The following MEI4 variants were observed in gnomAD, a reference collection of about 807,000 sequenced individuals.
The protein encoded by MEI4 is meiosis-specific protein MEI4.
A neutral mutation model predicts 31.4 loss-of-function variants in MEI4; 27 were observed. The ratio of observed to expected loss-of-function variants is 0.86; its 90% CI spans 0.63 to 1.19. The LOEUF (loss-of-function observed/expected upper bound fraction) is 1.19, where lower values mean the gene tolerates loss of function less well. Ranked by LOEUF, MEI4 falls within the 50% of genes most tolerant of loss-of-function variation. The pLI, the probability that MEI4 is intolerant of heterozygous loss-of-function variation, is 0.00. For missense variants in MEI4, 329 were observed against 398.9 expected (o/e 0.82, Z 1.49); for synonymous variants, 122 against 145.4 (o/e 0.84, Z 1.16).
intron 3 of MEI4, among the ~76,000 whole-genome samples, chr6:77,766,225 G>C (rs562599429): frequency 1.3e-5 from 2 of 152,168 alleles, no homozygotes; most frequent in Non-Finnish European, 2.9e-5. Flanking sequence ...GAATGTTGTG[G>C]TTTTAATTAC....
At chr6:77,691,658 G>A (rs1769159604) in intron 2 of MEI4, among the ~76,000 whole-genome samples, 1 of 152,028 alleles carries the variant, frequency 6.6e-6, no homozygotes, top group South Asian at 2.1e-4. Context: ...GATTCAGAAG[G>A]GTCTTGAATG....
intron 4 of MEI4, among the ~76,000 whole-genome samples, chr6:77,860,301 A>T (rs1770836586): frequency 6.6e-6 from 1 of 152,164 alleles, no homozygotes; most frequent in Non-Finnish European, 1.5e-5. Flanking sequence ...GGGAGTTGAT[A>T]GCAGCTGCTA....
rs556007269 is a variant in MEI4, at chr6:77,772,435, T to TA, written c.768+10771dup. On this transcript the variant is annotated intron_variant, in intron 3 of 4. Transcript: ENST00000684080. ...AGCATACACAAATCAATCAATGTGA[T>TA]ACATCATATTATCAGAATGAATGAC... is the stretch of plus-strand genomic sequence containing the variant. 3.9e-5 allele frequency among the ~76,000 whole-genome samples: 6 copies of TA among 152,042 alleles called. No individual in the cohort carries two copies. In the South Asian group the frequency reaches 1.0e-3, roughly 26 times the overall value.
chr6:77,859,780 A>G (rs1770826274), intron 4 of MEI4, among the ~76,000 whole-genome samples: 1 of 152,196 alleles, frequency 6.6e-6, no homozygotes, highest in Admixed American at 6.5e-5. Context: ...GTACTCACAA[A>G]TGCATTTGAA....
chr6:77,787,102 A>T (rs535293995), intron 3 of MEI4, among the ~76,000 whole-genome samples: 1 of 152,216 alleles, frequency 6.6e-6, no homozygotes, highest in Non-Finnish European at 1.5e-5. Flanking sequence ...ACTTGGAGGT[A>T]GACACATTGT....
intron 2 of MEI4, among the ~76,000 whole-genome samples, chr6:77,711,297 T>C (rs551923041): frequency 1.3e-5 from 2 of 152,328 alleles, no homozygotes; most frequent in Admixed American, 1.3e-4. Flanking sequence ...ATTAGCTTGA[T>C]TTAATTCTTT....
chr6:77,881,997 G>T (rs1226450650), intron 4 of MEI4, among the ~76,000 whole-genome samples: 1 of 152,148 alleles, frequency 6.6e-6, no homozygotes, highest in African/African-American at 2.4e-5. Flanking sequence ...GTGAGATTGC[G>T]CTCACTTCAG....
chr6:77,895,943 T>C lies in MEI4; in HGVS notation c.901-27146T>C, dbSNP rs1766075369. 2.0e-5 allele frequency among the ~76,000 whole-genome samples: 3 copies of C among 152,194 alleles called. No homozygotes were observed. The South Asian group carries it at 6.2e-4, about 31-fold the overall frequency. ...AACAGATTGTCTGATCAGTATTGTT[T>C]TGTTAAGAACTGCTGTGATGATGGA... On this transcript the variant is annotated intron_variant, in intron 4 of 4. Transcript: ENST00000684080.
chr6:77,662,538 A>C (rs1768532370), intron 1 of MEI4, among the ~76,000 whole-genome samples: 1 of 152,174 alleles, frequency 6.6e-6, no homozygotes, highest in Non-Finnish European at 1.5e-5. Flanking sequence ...CGGTGTGAGG[A>C]AGAAAATAAA....
At chr6:77,771,706 G>C (rs1384390679) in intron 3 of MEI4, among the ~76,000 whole-genome samples, 1 of 152,050 alleles carries the variant, frequency 6.6e-6, no homozygotes, top group East Asian at 1.9e-4. Context: ...AATATTACAT[G>C]TTCTCACTTA....
chr6:77,905,211 G>GT (rs959750970), intron 4 of MEI4, among the ~76,000 whole-genome samples: 13 of 151,774 alleles, frequency 8.6e-5, no homozygotes, highest in African/African-American at 2.2e-4. Flanking sequence ...GGGATTGTTT[G>GT]TTTTTTCTGG....
At chr6:77,768,211 T>C (rs1768222004) in intron 3 of MEI4, among the ~76,000 whole-genome samples, 1 of 152,212 alleles carries the variant, frequency 6.6e-6, no homozygotes, top group South Asian at 2.1e-4. Context: ...TATTATGTCC[T>C]ATTTCCATCA....
chr6:77,835,418 A>T, intron 4 of MEI4, among the ~76,000 whole-genome samples: 1 of 150,992 alleles, frequency 6.6e-6, no homozygotes, highest in Non-Finnish European at 1.5e-5. Context: ...AAAAAAAAAA[A>T]AAGAAGAGAA....
In MEI4 at chr6:77,742,610, C is replaced by T. The variant is rs534156503; in HGVS notation, c.233-18520C>T. Among the ~76,000 whole-genome samples the T allele has an allele frequency of 2.7e-3, 413 of 152,200 alleles. 7 individuals carry two copies. The highest frequency in any genetic ancestry group is 4.7e-3 in the African/African-American group (196 of 41,536). On this transcript the variant is annotated intron_variant, in intron 2 of 4. Transcript: ENST00000684080. ...GACGTAGTTTCTTTTGCTGTGCAGA[C>T]GCTCTCTAGTTTAGTTAGATCCCAT... is the stretch of plus-strand genomic sequence containing the variant.
chr6:77,803,941 T>G (rs1360460166), intron 3 of MEI4, among the ~76,000 whole-genome samples: 1 of 152,184 alleles, frequency 6.6e-6, no homozygotes, highest in Admixed American at 6.5e-5. Context: ...GAGGAGGCCG[T>G]CTGTCCATTC....
intron 1 of MEI4, among the ~76,000 whole-genome samples, chr6:77,679,734 T>C (rs1298501052): frequency 3.3e-5 from 5 of 151,816 alleles, no homozygotes; most frequent in African/African-American, 1.2e-4. Context: ...ATGCTGTTTA[T>C]TGGTGTTTCC....
At chr6:77,801,159 T>C (rs543657521) in intron 3 of MEI4, among the ~76,000 whole-genome samples, 1 of 152,322 alleles carries the variant, frequency 6.6e-6, no homozygotes, top group South Asian at 2.1e-4. Context: ...AATTATTGCC[T>C]CAATTTCAGA....
In MEI4 at chr6:77,857,193, C is replaced by CAG. The variant is rs371751415; in HGVS notation, c.900+28132_900+28133dup. On this transcript the variant is annotated intron_variant, in intron 4 of 4. Transcript: ENST00000684080. ...TCACACAGCCTGGATAGTTGTATTTCAGTCATATCCAGGACCAAATTTCTC... is the reference window on the plus strand; with the variant it reads ...TCACACAGCCTGGATAGTTGTATTTCAGAGTCATATCCAGGACCAAATTTCTC... 1.7e-3 allele frequency among the ~76,000 whole-genome samples: 260 copies of CAG among 152,196 alleles called. 1 individual carries two copies. The highest frequency in any genetic ancestry group is 5.6e-3 in the African/African-American group (233 of 41,536).
intron 4 of MEI4, among the ~76,000 whole-genome samples, chr6:77,868,821 C>T (rs189819072): frequency 2.3e-4 from 35 of 152,128 alleles, no homozygotes; most frequent in Non-Finnish European, 2.6e-4. Flanking sequence ...CACCTTTACT[C>T]GTGATCCTGT....
Sources: gnomAD v4.1 joint callset for allele counts (sites outside exome capture counted in the v4.1 genomes callset) on GRCh38, gnomAD v4.1.1 for gene constraint, MANE v1.5 for transcripts, NCBI Gene and HGNC (gene_info 2026-07-23, HGNC 2026-07-21) for gene names.